The following ESR1 variants were observed in gnomAD, a reference collection of about 807,000 sequenced individuals.
ESR1 encodes the protein estrogen receptor 1, also known as estrogen receptor.
ESR1 carries 12 observed loss-of-function variants against 52.7 expected under a neutral mutation model. The observed-to-expected ratio is 0.23, with a 90% CI of 0.15 to 0.37. The LOEUF (loss-of-function observed/expected upper bound fraction) is 0.37. ESR1 is among the 10% of genes least tolerant of loss of function. ESR1 has a pLI of 1.00. For synonymous variants in ESR1, 305 were observed against 316.8 expected, an observed-to-expected ratio of 0.96 and a Z score of 0.39; for missense variants, 584 against 779.7, an observed-to-expected ratio of 0.75 and a Z score of 2.99.
intron 4 of ESR1, among the ~76,000 whole-genome samples, chr6:151,994,276 C>CT (rs566711493): frequency 2.6e-4 from 39 of 152,288 alleles, no homozygotes; most frequent in African/African-American, 8.9e-4. Context: ...CTATACAACT[C>CT]TGAGGTCCCT....
intron 5 of ESR1, 51 bp downstream of exon 5, chr6:152,011,845 T>C: frequency 6.3e-7 from 1 of 1,592,638 alleles, no homozygotes. Context: ...ACGATCATAG[T>C]TCATTCATGA....
In ESR1 at chr6:151,949,199, G is replaced by A. The variant is rs75243384; in HGVS notation, c.1096+4691G>A. 2.1e-3 allele frequency among the ~76,000 whole-genome samples: 320 copies of A among 152,292 alleles called. 1 individual carries two copies. The highest frequency in any genetic ancestry group is 0.011 in the East Asian group (55 of 5,184). ...CAGCTAGAGAAATATGGAGCCATGCGCTCTGAGGACTTTAGCAGGCTTCAA... is the reference window on the plus strand; with the variant it reads ...CAGCTAGAGAAATATGGAGCCATGCACTCTGAGGACTTTAGCAGGCTTCAA... On this transcript the variant is annotated intron_variant, in intron 4 of 7. Coordinates refer to ENST00000206249, the MANE Select transcript of ESR1 (RefSeq NM_000125.4).
At chr6:152,092,971 GA>G (rs2050306227) in intron 6 of ESR1, among the ~76,000 whole-genome samples, 2 of 152,064 alleles carry the variant, frequency 1.3e-5, no homozygotes, top group Admixed American at 1.3e-4. Flanking sequence ...AAGGTCAAGT[GA>G]AAAAAATGTA....
rs142083710 is a variant in ESR1, at chr6:151,787,682, T to C, written c.-70-20161T>C. 1.9e-4 allele frequency among the ~76,000 whole-genome samples: 29 copies of C among 152,306 alleles called. No individual in the cohort carries two copies. The East Asian group carries it at 5.0e-3, about 26-fold the overall frequency. ...GTGTATAGGAAGGCTAAGTGATTTC[T>C]GTATGTTGATTTTGTGTCCTGAGAG... On this transcript the variant is annotated intron_variant, in intron 2 of 2. Transcript: ENST00000404742.
At position 152,025,205 on chromosome 6, in the gene ESR1, CTTT is replaced by C. The variant is rs144645557; in HGVS notation, c.1235+13425_1235+13427del. Among the ~76,000 whole-genome samples, 1,006 of 127,448 alleles carry C rather than the reference CTTT, an allele frequency of 7.9e-3. 11 individuals are homozygous for C. Among genetic ancestry groups the C allele is most frequent in the African/African-American group, 0.026 (945 of 36,654 alleles). 83.6% of individuals were successfully genotyped at this position (127,448 alleles called of 152,430 possible). ...TGCTTTGTGTGTAGTCTTCATCACG[CTTT>C]TTTTTTTTTTTTTAACCAGTGTTAA... On this transcript the variant is annotated intron_variant, in intron 5 of 7. Coordinates refer to ENST00000206249, the MANE Select transcript of ESR1 (RefSeq NM_000125.4).
intron 6 of ESR1, chr6:152,122,230 C>G: frequency 1.3e-6 from 1 of 756,866 alleles, no homozygotes; most frequent in African/African-American, 1.7e-5. Flanking sequence ...TCTTCCAAAC[C>G]TTCTTGTTGT....
At chr6:151,788,435 TA>T (rs1787224275) in intron 2 of ESR1, among the ~76,000 whole-genome samples, 1 of 152,134 alleles carries the variant, frequency 6.6e-6, no homozygotes. Context: ...TGGTTGTTAT[TA>T]AAAAGTCAAA....
At chr6:151,706,669 G>A (rs1780207988) in intron 2 of ESR1, among the ~76,000 whole-genome samples, 1 of 152,154 alleles carries the variant, frequency 6.6e-6, no homozygotes, top group African/African-American at 2.4e-5. Context: ...CCCACAGCCT[G>A]CCCTTGCCTA....
At chr6:151,789,085 G>A (rs896067778) in intron 2 of ESR1, among the ~76,000 whole-genome samples, 9 of 151,990 alleles carry the variant, frequency 5.9e-5, no homozygotes, top group African/African-American at 1.7e-4. Flanking sequence ...AAACCTGCAC[G>A]TGTACCCCTG....
At chr6:151,876,834 G>A (rs188467876) in intron 2 of ESR1, among the ~76,000 whole-genome samples, 24 of 152,060 alleles carry the variant, frequency 1.6e-4, no homozygotes, top group Admixed American at 1.3e-3. Flanking sequence ...AAAATAGTGC[G>A]GATTATTTTT....
At chr6:151,833,041 A>G (rs1228608416) in intron 1 of ESR1, among the ~76,000 whole-genome samples, 1 of 152,310 alleles carries the variant, frequency 6.6e-6, no homozygotes, top group East Asian at 1.9e-4. Flanking sequence ...GATGAGAAAC[A>G]ATTAACTCTT....
At chr6:151,926,704 C>T (rs569263646) in intron 3 of ESR1, among the ~76,000 whole-genome samples, 258 of 152,074 alleles carry the variant, frequency 1.7e-3, no homozygotes, top group Non-Finnish European at 3.2e-3. Flanking sequence ...ATCCTTTAAC[C>T]GTGGCATCAT....
chr6:152,059,978 A>G (rs2047418497), intron 5 of ESR1, among the ~76,000 whole-genome samples: 1 of 152,226 alleles, frequency 6.6e-6, no homozygotes. Context: ...AATTGTTTAT[A>G]TATTTCACAA....
intron 2 of ESR1, among the ~76,000 whole-genome samples, chr6:151,716,264 T>A (rs777906299): frequency 2.0e-5 from 3 of 152,144 alleles, no homozygotes; most frequent in Non-Finnish European, 4.4e-5. Context: ...GAGGTGTCTG[T>A]CAACCCCTGC....
At chr6:151,769,432 G>A (rs984964699) in intron 2 of ESR1, among the ~76,000 whole-genome samples, 6 of 152,176 alleles carry the variant, frequency 3.9e-5, no homozygotes, top group Non-Finnish European at 7.4e-5. Context: ...GACCACATGC[G>A]CGCACACCCT....
intron 1 of ESR1, among the ~76,000 whole-genome samples, chr6:151,678,270 C>T (rs1024345911): frequency 3.3e-5 from 5 of 151,926 alleles, no homozygotes; most frequent in Admixed American, 2.0e-4. Context: ...GTCAGGAGTA[C>T]GAGACCAGCC....
chr6:151,851,930 C>G (rs73780880), intron 2 of ESR1, among the ~76,000 whole-genome samples: 1 of 152,074 alleles, frequency 6.6e-6, no homozygotes. Context: ...TGATATTCAA[C>G]TAGCTTAGAT....
At chr6:151,693,843 C>T (rs1170132676) in intron 1 of ESR1, among the ~76,000 whole-genome samples, 1 of 152,180 alleles carries the variant, frequency 6.6e-6, no homozygotes, top group African/African-American at 2.4e-5. Context: ...GTCTCAAACT[C>T]CTGACCTTAA....
Position 152,103,039 on chromosome 6 carries a change from G to A in ESR1, c.*4073G>A, listed in dbSNP as rs1272004637. 3 of 191,876 alleles carry A rather than the reference G, an allele frequency of 1.6e-5. No individual in the cohort carries two copies. Among genetic ancestry groups the A allele is most frequent in the Non-Finnish European group, 3.1e-5 (3 of 96,320 alleles). 11.9% of individuals were successfully genotyped at this position (191,876 alleles called of 1,614,324 possible). A position where few individuals can be genotyped will look rare whatever the true frequency, so the allele number is the denominator to read the frequency against. On this transcript the variant is annotated 3_prime_UTR_variant, in exon 8 of 8. Transcript: ENST00000206249. ...TGCACTACATACTCTTCAGTGTAGA[G>A]CTCTTGTTTTATGGGAAAAGGCTCA...
Sources: gnomAD v4.1 joint callset for allele counts (sites outside exome capture counted in the v4.1 genomes callset) on GRCh38, gnomAD v4.1.1 for gene constraint, MANE v1.5 for transcripts, NCBI Gene and HGNC (gene_info 2026-07-23, HGNC 2026-07-21) for gene names.